The following TCF25 variants were observed in gnomAD, a reference collection of about 807,000 sequenced individuals.
TCF25 encodes the protein TCF25 ribosome quality control complex subunit, also known as ribosome quality control complex subunit TCF25.
TCF25 carries 41 observed loss-of-function variants against 83.1 expected under a neutral mutation model. That is an observed-to-expected ratio of 0.49 (90% CI 0.38 to 0.64). The LOEUF (loss-of-function observed/expected upper bound fraction) is 0.64. Ranked by LOEUF, TCF25 falls within the 30% of genes least tolerant of loss-of-function variation. TCF25 has a pLI of 0.00. For missense variants in TCF25, 979 were observed against 914.5 expected (o/e 1.07, Z -0.91); for synonymous variants, 458 against 365.0 (o/e 1.25, Z -2.90).
At chr16:89,890,798 C>T (rs1216655605) in intron 5 of TCF25, among the ~76,000 whole-genome samples, 2 of 151,962 alleles carry the variant, frequency 1.3e-5, no homozygotes, top group Non-Finnish European at 2.9e-5. Flanking sequence ...ATACTGATTA[C>T]TCGTAGTAAT....
intron 1 of TCF25, among the ~76,000 whole-genome samples, chr16:89,882,953 T>C (rs1597280310): frequency 6.6e-6 from 1 of 152,368 alleles, no homozygotes. Flanking sequence ...TGCCTGCTGC[T>C]GGAGAGGAGC....
At position 89,886,299 on chromosome 16, in the gene TCF25, C is replaced by T. The variant is rs367897609; in HGVS notation, c.548+333C>T. 1.2e-4 allele frequency among the ~76,000 whole-genome samples: 18 copies of T among 152,036 alleles called. No homozygotes were observed. The East Asian group carries it at 1.4e-3, about 11-fold the overall frequency. Reference sequence around the variant, plus strand: ...AAAATTAGCTGGGCGTGGTAGCGGGCGCCTTATAGTCCCAGCTACTCGGGA... The same window carrying T: ...AAAATTAGCTGGGCGTGGTAGCGGGTGCCTTATAGTCCCAGCTACTCGGGA... On this transcript the variant is annotated intron_variant, in intron 4 of 17. Coordinates refer to ENST00000263346, the MANE Select transcript of TCF25 (RefSeq NM_014972.3).
intron 1 of TCF25, chr16:89,878,565 C>G (rs1482420695): frequency 8.4e-7 from 1 of 1,184,314 alleles, no homozygotes; most frequent in African/African-American, 1.7e-5. Flanking sequence ...CAGTCGTGGA[C>G]AAGAACCTTG....
chr16:89,884,789 C>T, intron 3 of TCF25, 133 bp downstream of exon 3: 1 of 768,024 alleles, frequency 1.3e-6, no homozygotes, highest in South Asian at 1.8e-5. Flanking sequence ...ACGCCCTCTC[C>T]CTCTGCCTGA....
intron 5 of TCF25, among the ~76,000 whole-genome samples, chr16:89,891,895 C>G (rs1158405759): frequency 1.3e-5 from 2 of 152,084 alleles, no homozygotes; most frequent in Admixed American, 1.3e-4. Context: ...GTCTCGAACT[C>G]CTGGGTTCAA....
At chr16:89,885,043 C>CCCCTCTCCTTCTGCCTGACG (rs2042894400) in intron 3 of TCF25, among the ~76,000 whole-genome samples, 1 of 81,286 alleles carries the variant, frequency 1.2e-5, no homozygotes, top group Non-Finnish European at 2.3e-5. Context: ...CTGCCTGACG[C>CCCCTCTCCTTCTGCCTGACG]CCCTCTCCCT....
At chr16:89,900,554 G>T in intron 11 of TCF25, 81 bp from the exon 12 acceptor site, 5 of 1,470,116 alleles carry the variant, frequency 3.4e-6, no homozygotes, top group Non-Finnish European at 4.6e-6. Context: ...GGGCTCACTG[G>T]TGATGTCAGA....
intron 6 of TCF25, among the ~76,000 whole-genome samples, chr16:89,893,373 C>T (rs1171567498): frequency 1.3e-5 from 2 of 152,238 alleles, no homozygotes; most frequent in Non-Finnish European, 2.9e-5. Flanking sequence ...CTCAATCAGA[C>T]GTGGTCTGGG....
chr16:89,902,925 C>A (rs1029186825), intron 12 of TCF25, among the ~76,000 whole-genome samples: 1 of 152,212 alleles, frequency 6.6e-6, no homozygotes, highest in Admixed American at 6.5e-5. Flanking sequence ...CCGAGGAGGC[C>A]CACGGCGTGG....
At chr16:89,901,477 G>GAGGGGTGA (rs1282069512) in intron 12 of TCF25, among the ~76,000 whole-genome samples, 39 of 146,282 alleles carry the variant, frequency 2.7e-4, no homozygotes, top group East Asian at 9.1e-4. Context: ...CGGGCGCGGT[G>GAGGGGTGA]GCTCACGCCT....
At chr16:89,881,452 T>A (rs924075721) in intron 1 of TCF25, among the ~76,000 whole-genome samples, 2 of 152,296 alleles carry the variant, frequency 1.3e-5, no homozygotes, top group African/African-American at 2.4e-5. Flanking sequence ...AGCTTTTTTT[T>A]TAAAAAATTT....
intron 17 of TCF25, 120 bp from the exon 18 acceptor site, chr16:89,910,960 G>A (rs952566422): frequency 2.2e-6 from 3 of 1,383,636 alleles, no homozygotes; most frequent in Non-Finnish European, 3.0e-6. Flanking sequence ...CCTGGGGAGG[G>A]TTCAGGGTCC....
intron 1 of TCF25, among the ~76,000 whole-genome samples, chr16:89,882,830 G>A (rs1009337998): frequency 7.2e-5 from 11 of 152,102 alleles, no homozygotes; most frequent in Non-Finnish European, 1.2e-4. Context: ...CAAGTGATCC[G>A]CCTGCATCAA....
chr16:89,897,931 G>A (rs1042212013), intron 9 of TCF25, among the ~76,000 whole-genome samples: 31 of 152,094 alleles, frequency 2.0e-4, no homozygotes, highest in African/African-American at 7.0e-4. Context: ...GTGAAACCCC[G>A]TCTCTACTAA....
chr16:89,878,721 A>G, intron 1 of TCF25: 1 of 920,178 alleles, frequency 1.1e-6, no homozygotes. Flanking sequence ...GCTCACTGCA[A>G]GCTCTGCCTC....
intron 9 of TCF25, among the ~76,000 whole-genome samples, chr16:89,898,098 G>T (rs1020365622): frequency 3.4e-4 from 51 of 149,806 alleles, no homozygotes; most frequent in African/African-American, 1.3e-3. Flanking sequence ...GACAGAGCGA[G>T]ACTCCGTCTC....
chr16:89,903,808 G>GA (rs2044547374), intron 12 of TCF25, among the ~76,000 whole-genome samples: 1 of 151,732 alleles, frequency 6.6e-6, no homozygotes, highest in African/African-American at 2.4e-5. Flanking sequence ...CCCTGTCTCA[G>GA]AAAAACAAAA....
At chr16:89,891,166 G>T (rs2043398048) in intron 5 of TCF25, among the ~76,000 whole-genome samples, 1 of 152,204 alleles carries the variant, frequency 6.6e-6, no homozygotes, top group East Asian at 1.9e-4. Flanking sequence ...CCCCCTCCTG[G>T]CATCTGCCCA....
intron 4 of TCF25, among the ~76,000 whole-genome samples, chr16:89,887,366 C>G (rs187163632): frequency 2.0e-5 from 3 of 152,086 alleles, no homozygotes; most frequent in African/African-American, 7.2e-5. Flanking sequence ...GGTGCGTGCA[C>G]TGCCCCGACT....
Sources: gnomAD v4.1 joint callset for allele counts (sites outside exome capture counted in the v4.1 genomes callset) on GRCh38, gnomAD v4.1.1 for gene constraint, MANE v1.5 for transcripts, NCBI Gene and HGNC (gene_info 2026-07-23, HGNC 2026-07-21) for gene names.